MFRP: variants seen among roughly 807,000 people sequenced by gnomAD.
MFRP encodes the protein C1q and TNF related 5.
MFRP carries 74 observed loss-of-function variants against 65.8 expected under a neutral mutation model. The observed-to-expected ratio is 1.12, with a 90% CI of 0.93 to 1.36. The LOEUF (loss-of-function observed/expected upper bound fraction) is 1.36, where lower values mean the gene tolerates loss of function less well. Ranked by LOEUF, MFRP falls within the 40% of genes most tolerant of loss-of-function variation. The probability of loss-of-function intolerance (pLI) is 0.00; values close to 1 mark genes in which losing one functional copy is unlikely to be tolerated. For synonymous variants in MFRP, 336 were observed against 288.3 expected (o/e 1.17, Z -1.68); for missense variants, 838 against 736.0 (o/e 1.14, Z -1.60).
Position 119,339,100 on chromosome 11 carries a change from G to C in MFRP, c.*1859C>G. ...TGGGGGACTTACACTTGCCAGCACAGCACACTCCTCTGGTCTTGGGCAGAA... is the reference window on the plus strand; with the variant it reads ...TGGGGGACTTACACTTGCCAGCACACCACACTCCTCTGGTCTTGGGCAGAA... On this transcript the variant is annotated 3_prime_UTR_variant, in exon 15 of 15. Coordinates refer to ENST00000619721, the MANE Select transcript of MFRP (RefSeq NM_031433.4). The surrounding 1 kb of genome is among the most constrained non-coding windows in gnomAD (Gnocchi z 5.4). The C allele has an allele frequency of 1.8e-6, 1 of 569,574 alleles. No homozygotes were observed. Among genetic ancestry groups the C allele is most frequent in the East Asian group, 2.9e-5 (1 of 34,486 alleles). 35.3% of individuals were successfully genotyped at this position (569,574 alleles called of 1,614,324 possible). A position where few individuals can be genotyped will look rare whatever the true frequency, so the allele number is the denominator to read the frequency against.
In MFRP at chr11:119,339,454, G is replaced by C. The variant is rs1413843173; in HGVS notation, c.*1505C>G. Reference sequence around the variant, plus strand: ...CCACACCCACCTGCACCCACACTTGGTCCTCAGGCTCCAGCCTCACCATGG... The same window carrying C: ...CCACACCCACCTGCACCCACACTTGCTCCTCAGGCTCCAGCCTCACCATGG... On this transcript the variant is annotated 3_prime_UTR_variant, in exon 15 of 15. Transcript: ENST00000619721. This position sits in a 1 kb window ranked among gnomAD's most constrained non-coding sequence, Gnocchi z 5.4. 2.5e-6 allele frequency: 4 copies of C among 1,614,044 alleles called. No homozygotes were observed. The East Asian group carries it at 8.9e-5, about 36-fold the overall frequency.
chr11:119,343,968 G>A lies in MFRP; in HGVS notation c.976-4C>T, dbSNP rs1282347800. The A allele has an allele frequency of 1.9e-6, 3 of 1,612,200 alleles. No individual in the cohort carries two copies. The highest frequency in any genetic ancestry group is 1.1e-5 in the South Asian group (1 of 91,008). The stretch of plus-strand genomic sequence containing the variant: ...CCGAGATATGCCAGGTGCAGAGCTG[G>A]GGGAGGGCATAGGTGGAGCAATTCA... On this transcript the variant is annotated splice_polypyrimidine_tract_variant and splice_region_variant and intron_variant, in intron 8 of 14. Coordinates refer to ENST00000619721, the MANE Select transcript of MFRP (RefSeq NM_031433.4).
chr11:119,344,260 G>T (rs1565294298), intron 8 of MFRP, 55 bp downstream of exon 8: 1 of 1,513,544 alleles, frequency 6.6e-7, no homozygotes, highest in Non-Finnish European at 9.2e-7. Flanking sequence ...ACTAACTTGG[G>T]GATCAGGTGC....
Position 119,342,685 on chromosome 11 carries a change from C to T in MFRP, c.1298G>A (p.Cys433Tyr). The T allele has an allele frequency of 1.2e-6, 2 of 1,613,738 alleles. No homozygotes were observed. Among genetic ancestry groups the T allele is most frequent in the South Asian group, 1.1e-5 (1 of 91,088 alleles). Residue 433 changes from cysteine to tyrosine, a missense_variant, in exon 11 of 15, where the codon TGT becomes TAT. By Grantham distance (194) the Cys-to-Tyr change is radical. Coordinates refer to ENST00000619721, the MANE Select transcript of MFRP (RefSeq NM_031433.4). ...GTCACACATCCACTGCACACCCTTA[C>T]ACCCTCCTGCCTGGCAGGAGAGCTC... ...PSELSCQAGG[C>Y]KGVQWMCDMW...
At chr11:119,344,062 T>A in intron 8 of MFRP, 98 bp from the exon 9 acceptor site, 1 of 1,469,458 alleles carries the variant, frequency 6.8e-7, no homozygotes, top group Non-Finnish European at 9.4e-7. Context: ...GCTGGGGGGA[T>A]GGGGTGGTGC....
In MFRP at chr11:119,341,397, C is replaced by G. The variant is rs893988593; in HGVS notation, c.*151G>C. The stretch of plus-strand genomic sequence containing the variant: ...AGGGAGGGTGGTAGGGTCCCATGAG[C>G]CCCAGCTGAGGACTTCTCTTCCCCC... On this transcript the variant is annotated 3_prime_UTR_variant, in exon 13 of 15. Transcript: ENST00000619721. 2 of 659,350 alleles carry G rather than the reference C, an allele frequency of 3.0e-6. No individual in the cohort carries two copies. Among genetic ancestry groups the G allele is most frequent in the African/African-American group, 3.6e-5 (2 of 55,084 alleles). The allele number at this position is 659,350 out of a possible 1,614,324, so 40.8% of individuals were successfully genotyped here. A position where few individuals can be genotyped will look rare whatever the true frequency, so the allele number is the denominator to read the frequency against.
rs767106540 is a variant in MFRP at position 119,344,427 on chromosome 11, G to T, written c.899-36C>A. 8.1e-6 allele frequency: 13 copies of T among 1,598,368 alleles called. No individual in the cohort carries two copies. In the East Asian group the frequency reaches 2.2e-4, roughly 28 times the overall value. On this transcript the variant is annotated intron_variant, in intron 7 of 14. Coordinates refer to ENST00000619721, the MANE Select transcript of MFRP (RefSeq NM_031433.4). ...GTGGAAGGGCTCATGAGTTTGCTAG[G>T]ATCTGTGCCTCCATCCAATAGGGCT...
rs377313151 is a variant in MFRP at position 119,345,864 on chromosome 11, C to T, written c.336G>A (p.Thr112=). ...HSPLPAGGLT[T]TTTTPTITTS... ...TGGTGATGGTGGGGGTGGTGGTGGT[C>T]GTGGTAAGGCCTCCGGCAGGCAGTG... The change falls in exon 4 of 15, where the codon ACG becomes ACA. Residue 112 remains threonine (T), a synonymous_variant. Coordinates refer to ENST00000619721, the MANE Select transcript of MFRP (RefSeq NM_031433.4). 28 of 1,613,454 alleles carry T rather than the reference C, an allele frequency of 1.7e-5. No homozygotes were observed. The highest frequency in any genetic ancestry group is 1.5e-4 in the Admixed American group (9 of 59,986).
At chr11:119,343,135 G>T in intron 9 of MFRP, 132 bp from the exon 10 acceptor site, 1 of 1,165,920 alleles carries the variant, frequency 8.6e-7, no homozygotes, top group East Asian at 2.6e-5. Flanking sequence ...CAGGGTTAGG[G>T]TCTGGCGAGA....
intron 5 of MFRP, 69 bp downstream of exon 5, chr11:119,345,351 C>T: frequency 2.0e-6 from 3 of 1,508,972 alleles, no homozygotes; most frequent in Non-Finnish European, 2.8e-6. Context: ...CTCCCTGCCA[C>T]TCCCTGATTC....
Position 119,344,302 on chromosome 11 carries a change from G to A in MFRP, c.975+13C>T. 1.2e-6 allele frequency: 2 copies of A among 1,613,006 alleles called. No individual in the cohort carries two copies. The highest frequency in any genetic ancestry group is 2.2e-5 in the East Asian group (1 of 44,836). On this transcript the variant is annotated intron_variant, in intron 8 of 14. Coordinates refer to ENST00000619721, the MANE Select transcript of MFRP (RefSeq NM_031433.4). ...GTGTGCCCCTCCCGTTCTGCATGGA[G>A]CACTGTGCTTACCAGTTGGTGAGGG...
Position 119,339,207 on chromosome 11 carries a change from G to A in MFRP, c.*1752C>T. 3.6e-6 allele frequency: 4 copies of A among 1,106,222 alleles called. No individual in the cohort carries two copies. The highest frequency in any genetic ancestry group is 2.5e-5 in the Admixed American group (1 of 39,680). The allele number at this position is 1,106,222 out of a possible 1,614,324, so 68.5% of individuals were successfully genotyped here. On this transcript the variant is annotated 3_prime_UTR_variant, in exon 15 of 15. Transcript: ENST00000619721. The surrounding 1 kb of genome is among the most constrained non-coding windows in gnomAD (Gnocchi z 5.4). ...CCTTGCCAGCAGCAGGACGGAGAGTGCTCTACCCCACCTCCCTAGTCATTC... is the reference window on the plus strand; with the variant it reads ...CCTTGCCAGCAGCAGGACGGAGAGTACTCTACCCCACCTCCCTAGTCATTC...
chr11:119,339,827 T>C lies in MFRP; in HGVS notation c.*1132A>G, dbSNP rs746399664. On this transcript the variant is annotated 3_prime_UTR_variant, in exon 15 of 15. Coordinates refer to ENST00000619721, the MANE Select transcript of MFRP (RefSeq NM_031433.4). This position sits in a 1 kb window ranked among gnomAD's most constrained non-coding sequence, Gnocchi z 5.4. Reference sequence around the variant, plus strand: ...TCCCGCCTCTCCTCGCGGCCCGGGGTCCCCTCGAGGTCCCGGCAGTCCTGC... The same window carrying C: ...TCCCGCCTCTCCTCGCGGCCCGGGGCCCCCTCGAGGTCCCGGCAGTCCTGC... 5 of 1,509,694 alleles carry C rather than the reference T, an allele frequency of 3.3e-6. No homozygotes were observed. Among genetic ancestry groups the C allele is most frequent in the South Asian group, 2.5e-5 (2 of 79,700 alleles). The allele number at this position is 1,509,694 out of a possible 1,614,324, so 93.5% of individuals were successfully genotyped here.
rs1229178864 is a variant in MFRP, at chr11:119,346,172, A to G, written c.158-13T>C. On this transcript the variant is annotated splice_polypyrimidine_tract_variant and intron_variant, in intron 2 of 14. Coordinates refer to ENST00000619721, the MANE Select transcript of MFRP (RefSeq NM_031433.4). The stretch of plus-strand genomic sequence containing the variant: ...CGAGGACGCCGACCTGCGGGTTGGC[A>G]GGTGGGGTTTTGAAAGCCCCTTCTG... 6.3e-7 allele frequency: 1 copy of G among 1,579,648 alleles called. No homozygotes were observed. The highest frequency in any genetic ancestry group is 1.1e-5 in the South Asian group (1 of 87,276).
At position 119,344,735 on chromosome 11, in the gene MFRP, G is replaced by T; in HGVS notation, c.795C>A (p.Phe265Leu). ...GCAGGCAGATGAGCTGGTCACAGCG[G>T]AACTCATCATGGGCACAGCTCCCTG... ...PGRGSCAHDE[F>L]RCDQLICLLP... Residue 265 changes from phenylalanine (F) to leucine (L), a missense_variant, in exon 7 of 15, where the codon TTC (phenylalanine) becomes TTA (leucine). Coordinates refer to ENST00000619721, the MANE Select transcript of MFRP (RefSeq NM_031433.4). The T allele has an allele frequency of 6.2e-7, 1 of 1,614,056 alleles. No homozygotes were observed. Among genetic ancestry groups the T allele is most frequent in the Non-Finnish European group, 8.5e-7 (1 of 1,180,040 alleles).
rs1438672127 is a variant in MFRP at position 119,344,202 on chromosome 11, C to T, written c.975+113G>A. 4.4e-6 allele frequency: 5 copies of T among 1,129,474 alleles called. No homozygotes were observed. The East Asian group carries it at 1.2e-4, about 27-fold the overall frequency. The allele number at this position is 1,129,474 out of a possible 1,614,324, so 70.0% of individuals were successfully genotyped here. A position where few individuals can be genotyped will look rare whatever the true frequency, so the allele number is the denominator to read the frequency against. ...CCCCCATCCCCCGTCTGCTTGATCT[C>T]TGACCTTCCCAAGTAGAAGGTAGTG... On this transcript the variant is annotated intron_variant, in intron 8 of 14. Coordinates refer to ENST00000619721, the MANE Select transcript of MFRP (RefSeq NM_031433.4).
rs2135366473 is a variant in MFRP, at chr11:119,340,761, T to C, written c.*787A>G. 3.6e-6 allele frequency: 1 copy of C among 278,994 alleles called. No individual in the cohort carries two copies. The highest frequency in any genetic ancestry group is 4.3e-5 in the South Asian group (1 of 23,058). The allele number at this position is 278,994 out of a possible 1,614,324, so 17.3% of individuals were successfully genotyped here. A position where few individuals can be genotyped will look rare whatever the true frequency, so the allele number is the denominator to read the frequency against. On this transcript the variant is annotated 3_prime_UTR_variant, in exon 13 of 15. Coordinates refer to ENST00000619721, the MANE Select transcript of MFRP (RefSeq NM_031433.4). The stretch of plus-strand genomic sequence containing the variant: ...CTACTCCGGACCCTCCAGTTGGTGG[T>C]GCTCCAGCCCCCGCGCTTCTCCCCG...
rs910874447 is a variant in MFRP, at chr11:119,346,663, C to T, written c.-150G>A. The T allele has an allele frequency of 1.3e-6, 1 of 776,930 alleles. No individual in the cohort carries two copies. Among genetic ancestry groups the T allele is most frequent in the Non-Finnish European group, 2.2e-6 (1 of 448,700 alleles). The allele number at this position is 776,930 out of a possible 1,614,324, so 48.1% of individuals were successfully genotyped here. ...AGGCTAGACCAGTTCTTGGGCTGTC[C>T]TTGGTAGAGTGGTTTGGCCTATGGG... On this transcript the variant is annotated 5_prime_UTR_variant, in exon 1 of 15. Transcript: ENST00000619721.
rs777698284 is a variant in MFRP, at chr11:119,344,613, C to T, written c.898+19G>A. On this transcript the variant is annotated intron_variant, in intron 7 of 14. Coordinates refer to ENST00000619721, the MANE Select transcript of MFRP (RefSeq NM_031433.4). ...CAGATCAGACGCCTGAAGAGAGGAC[C>T]CCCATGCCTGGCCCGTACCCGAGAA... 2 of 1,613,820 alleles carry T rather than the reference C, an allele frequency of 1.2e-6. No individual in the cohort carries two copies. Among genetic ancestry groups the T allele is most frequent in the Non-Finnish European group, 1.7e-6 (2 of 1,180,044 alleles).
Sources: gnomAD v4.1 joint callset for allele counts on GRCh38, gnomAD v4.1.1 for gene constraint, Gnocchi (gnomAD v3.1) non-coding constraint, MANE v1.5 for transcripts, NCBI Gene and HGNC (gene_info 2026-07-23, HGNC 2026-07-21) for gene names.